LRRC75A: variants seen among roughly 807,000 people sequenced by gnomAD.
LRRC75A encodes the protein leucine rich repeat containing 75A.
Under a neutral mutation model 26.0 loss-of-function variants are expected in LRRC75A, and 12 were observed. The ratio of observed to expected loss-of-function variants is 0.46; its 90% CI spans 0.30 to 0.75. LRRC75A has a LOEUF of 0.75. Among genes scored for constraint, LRRC75A ranks in the 30% least tolerant of loss-of-function variants. The probability of loss-of-function intolerance (pLI) is 0.08; values close to 1 mark genes in which losing one functional copy is unlikely to be tolerated. For synonymous variants in LRRC75A, 223 were observed against 219.3 expected (o/e 1.02, Z -0.15); for missense variants, 410 against 486.6 (o/e 0.84, Z 1.48).
rs182429865 is a variant in LRRC75A, at chr17:16,478,249, G to A, written c.246+13496C>T. 1.1e-4 allele frequency among the ~76,000 whole-genome samples: 17 copies of A among 149,374 alleles called. No homozygotes were observed. The East Asian group carries it at 2.6e-3, about 22-fold the overall frequency. On this transcript the variant is annotated intron_variant, in intron 1 of 3. Transcript: ENST00000470794. Reference sequence around the variant, plus strand: ...GTCACCCAGGTTGGAGTGCAGTGGCGTCATCTCGGCTCACTGCAACCTTCG... The same window carrying A: ...GTCACCCAGGTTGGAGTGCAGTGGCATCATCTCGGCTCACTGCAACCTTCG...
chr17:16,458,720 C>T (rs1432386431), intron 2 of LRRC75A, among the ~76,000 whole-genome samples: 1 of 152,046 alleles, frequency 6.6e-6, no homozygotes, highest in Non-Finnish European at 1.5e-5. Context: ...CTGCCTCGGC[C>T]TCCCAAAGTG....
chr17:16,465,886 G>T (rs547957863), intron 1 of LRRC75A, among the ~76,000 whole-genome samples: 13 of 152,222 alleles, frequency 8.5e-5, no homozygotes, highest in African/African-American at 3.1e-4. Context: ...AAGGAGGAGG[G>T]TCTCCTAGAA....
chr17:16,478,969 C>G (rs913498034), intron 1 of LRRC75A, among the ~76,000 whole-genome samples: 5 of 152,204 alleles, frequency 3.3e-5, no homozygotes, highest in Non-Finnish European at 5.9e-5. Context: ...GCACTCAGAC[C>G]TCATTCCCCC....
chr17:16,486,407 AT>A (rs1156584815), intron 1 of LRRC75A, among the ~76,000 whole-genome samples: 2 of 152,120 alleles, frequency 1.3e-5, no homozygotes, highest in African/African-American at 4.8e-5. Context: ...AGAGGCTGCT[AT>A]TTCCCCAGCC....
chr17:16,459,851 G>A (rs940763920), intron 2 of LRRC75A, among the ~76,000 whole-genome samples: 1 of 152,200 alleles, frequency 6.6e-6, no homozygotes, highest in Admixed American at 6.5e-5. Context: ...TGCCACATGG[G>A]CACGAAAGGG....
At chr17:16,474,264 G>C (rs150027391) in intron 1 of LRRC75A, among the ~76,000 whole-genome samples, 1 of 152,170 alleles carries the variant, frequency 6.6e-6, no homozygotes, top group Non-Finnish European at 1.5e-5. Context: ...AAATGAGAAG[G>C]TTGCACCAGC....
At chr17:16,479,019 T>C (rs2093827492) in intron 1 of LRRC75A, among the ~76,000 whole-genome samples, 1 of 152,224 alleles carries the variant, frequency 6.6e-6, no homozygotes, top group African/African-American at 2.4e-5. Flanking sequence ...TCTGGGAAGC[T>C]TGAGGGGAAT....
In LRRC75A at chr17:16,442,787, CACTT is replaced by C. The variant is rs765151989; in HGVS notation, c.*797_*800del. 1 of 152,208 alleles carries C rather than the reference CACTT, an allele frequency of 6.6e-6. No individual in the cohort carries two copies. Among genetic ancestry groups the C allele is most frequent in the Non-Finnish European group, 1.5e-5 (1 of 68,044 alleles). The allele number at this position is 152,208 out of a possible 1,614,324, so 9.4% of individuals were successfully genotyped here. Reference sequence around the variant, plus strand: ...GTGACAAGAAGGAAGCCAGGTTTGTCACTTACCCTGCATGCTAAGGACATCAGAG... The same window carrying C: ...GTGACAAGAAGGAAGCCAGGTTTGTCACCCTGCATGCTAAGGACATCAGAG... On this transcript the variant is annotated 3_prime_UTR_variant, in exon 4 of 4. Transcript: ENST00000470794.
At chr17:16,485,671 CGTGTGTGT>C (rs139508916) in intron 1 of LRRC75A, among the ~76,000 whole-genome samples, 1 of 124,350 alleles carries the variant, frequency 8.0e-6, no homozygotes, top group African/African-American at 3.1e-5. Context: ...TGTGTGTGTT[CGTGTGTGT>C]GTGTGTGTGT....
chr17:16,479,481 G>C (rs2093828589), intron 1 of LRRC75A, among the ~76,000 whole-genome samples: 1 of 152,210 alleles, frequency 6.6e-6, no homozygotes, highest in Non-Finnish European at 1.5e-5. Context: ...TGTCTGAGCG[G>C]GGCTGAACTC....
At chr17:16,460,730 C>T (rs1234068173) in intron 2 of LRRC75A, among the ~76,000 whole-genome samples, 5 of 152,252 alleles carry the variant, frequency 3.3e-5, no homozygotes, top group Non-Finnish European at 5.9e-5. Context: ...CAAAGATGGG[C>T]ATATACATAG....
At position 16,443,169 on chromosome 17, in the gene LRRC75A, T is replaced by G. The variant is rs1053844826; in HGVS notation, c.*419A>C. 6.0e-6 allele frequency: 1 copy of G among 166,514 alleles called. No individual in the cohort carries two copies. The highest frequency in any genetic ancestry group is 6.2e-5 in the Admixed American group (1 of 16,186). 10.3% of individuals were successfully genotyped at this position (166,514 alleles called of 1,614,324 possible). A position where few individuals can be genotyped will look rare whatever the true frequency, so the allele number is the denominator to read the frequency against. On this transcript the variant is annotated 3_prime_UTR_variant, in exon 4 of 4. Transcript: ENST00000470794. Reference sequence around the variant, plus strand: ...GGGGACACATTCCTCTGGTTGGAGCTTGTTCCCCTAAATGAAAAATGTAAT... The same window carrying G: ...GGGGACACATTCCTCTGGTTGGAGCGTGTTCCCCTAAATGAAAAATGTAAT...
intron 2 of LRRC75A, among the ~76,000 whole-genome samples, chr17:16,460,452 CCT>C (rs972163766): frequency 1.8e-4 from 28 of 152,236 alleles, no homozygotes; most frequent in African/African-American, 6.3e-4. Context: ...CCCTGGCCTG[CCT>C]CTCTCTCTGA....
chr17:16,475,075 G>A (rs1408383975), intron 1 of LRRC75A, among the ~76,000 whole-genome samples: 5 of 151,914 alleles, frequency 3.3e-5, no homozygotes, highest in South Asian at 2.1e-4. Flanking sequence ...GTAGAGGAAC[G>A]ACTTAGAGGA....
chr17:16,448,290 A>G (rs781546019), intron 2 of LRRC75A: 7 of 371,142 alleles, frequency 1.9e-5, no homozygotes, highest in African/African-American at 1.1e-4. Flanking sequence ...CCACTCCCCA[A>G]TGTCCAGGGC....
rs748088509 is a variant in LRRC75A, at chr17:16,485,681, T to TGTGTGTGTGTGTGTGTGTGTGTTC, written c.246+6063_246+6064insGAACACACACACACACACACACAC. On this transcript the variant is annotated intron_variant, in intron 1 of 3. Transcript: ENST00000470794. Reference sequence around the variant, plus strand: ...GTGTGTGTGTGTGTTCGTGTGTGTGTGTGTGTGTGTGTATGCGTGGGCGCG... The same window carrying TGTGTGTGTGTGTGTGTGTGTGTTC: ...GTGTGTGTGTGTGTTCGTGTGTGTGTGTGTGTGTGTGTGTGTGTGTGTTCGTGTGTGTGTGTATGCGTGGGCGCG... Among the ~76,000 whole-genome samples, 97 of 135,476 alleles carry TGTGTGTGTGTGTGTGTGTGTGTTC rather than the reference T, an allele frequency of 7.2e-4. 1 individual carries two copies. Among genetic ancestry groups the TGTGTGTGTGTGTGTGTGTGTGTTC allele is most frequent in the African/African-American group, 2.1e-3 (69 of 33,316 alleles). 88.9% of individuals were successfully genotyped at this position (135,476 alleles called of 152,430 possible). A position where few individuals can be genotyped will look rare whatever the true frequency, so the allele number is the denominator to read the frequency against.
At chr17:16,468,899 A>G (rs1336530820) in intron 1 of LRRC75A, among the ~76,000 whole-genome samples, 4 of 152,144 alleles carry the variant, frequency 2.6e-5, no homozygotes, top group Non-Finnish European at 5.9e-5. Context: ...AGGCAAACAT[A>G]GACACCTTCT....
intron 1 of LRRC75A, among the ~76,000 whole-genome samples, chr17:16,465,891 C>T (rs1467397820): frequency 6.6e-6 from 1 of 152,100 alleles, no homozygotes; most frequent in Non-Finnish European, 1.5e-5. Flanking sequence ...GGAGGGTCTC[C>T]TAGAAAGGCA....
In LRRC75A at chr17:16,453,314, ACACACGCACACACGCACACG is replaced by A. The variant is rs1310711989; in HGVS notation, c.376-5374_376-5355del. Among the ~76,000 whole-genome samples the A allele has an allele frequency of 5.2e-3, 523 of 100,484 alleles. 4 individuals are homozygous for A. The highest frequency in any genetic ancestry group is 0.013 in the African/African-American group (477 of 35,470). 65.9% of individuals were successfully genotyped at this position (100,484 alleles called of 152,430 possible). A position where few individuals can be genotyped will look rare whatever the true frequency, so the allele number is the denominator to read the frequency against. On this transcript the variant is annotated intron_variant, in intron 2 of 3. Coordinates refer to ENST00000470794, the MANE Select transcript of LRRC75A (RefSeq NM_001113567.3). ...GACTCCTAAACACACACACACACGC[ACACACGCACACACGCACACG>A]CACACACGCACACGCACACACACAC...
Sources: allele counts gnomAD v4.1 joint callset (sites outside exome capture counted in the v4.1 genomes callset), GRCh38; gene constraint gnomAD v4.1.1; transcripts MANE v1.5; gene names NCBI Gene and HGNC (gene_info 2026-07-23, HGNC 2026-07-21).